The following HMGCLL1 variants were observed in gnomAD, a reference collection of about 807,000 sequenced individuals.
HMGCLL1 encodes 3-hydroxy-3-methylglutaryl-CoA lyase like 1, also known as 3-hydroxymethyl-3-methylglutaryl-CoA lyase, cytoplasmic.
HMGCLL1 carries 36 observed loss-of-function variants against 39.1 expected under a neutral mutation model. That is an observed-to-expected ratio of 0.92 (90% confidence interval 0.71 to 1.22). The LOEUF (loss-of-function observed/expected upper bound fraction) is 1.22. HMGCLL1 is among the 50% of genes most tolerant of loss of function. The probability of loss-of-function intolerance (pLI) is 0.00; values close to 1 mark genes in which losing one functional copy is unlikely to be tolerated. For synonymous variants in HMGCLL1, 149 were observed against 144.0 expected, an observed-to-expected ratio of 1.03 and a Z score of -0.25; for missense variants, 451 against 416.5, an observed-to-expected ratio of 1.08 and a Z score of -0.72.
the HMGCLL1 span, among the ~76,000 whole-genome samples, chr6:55,675,117 G>A: frequency 6.6e-6 from 1 of 152,018 alleles, no homozygotes; most frequent in Admixed American, 6.6e-5. Flanking sequence ...TTTGATCAAA[G>A]GAATTAAATC....
chr6:55,590,716 T>A, the HMGCLL1 span, among the ~76,000 whole-genome samples: 1 of 152,010 alleles, frequency 6.6e-6, no homozygotes, highest in South Asian at 2.1e-4. Context: ...TGATCTTTTT[T>A]ATTTTTCCAC....
At chr6:55,472,212 T>C (rs1029961666) in intron 7 of HMGCLL1, among the ~76,000 whole-genome samples, 2 of 151,552 alleles carry the variant, frequency 1.3e-5, no homozygotes, top group Non-Finnish European at 3.0e-5. Flanking sequence ...TTTTACAGAG[T>C]GGTGGCACCA....
chr6:55,477,283 T>TAAAA (rs1765423424), intron 7 of HMGCLL1, among the ~76,000 whole-genome samples: 2 of 16,418 alleles, frequency 1.2e-4, no homozygotes, highest in Non-Finnish European at 1.6e-4. Flanking sequence ...ATATTATATA[T>TAAAA]TATATATAAA....
the HMGCLL1 span, among the ~76,000 whole-genome samples, chr6:55,591,446 G>A: frequency 6.6e-6 from 1 of 151,818 alleles, no homozygotes; most frequent in African/African-American, 2.4e-5. Flanking sequence ...CCTGGTGGGG[G>A]TGGGACTTCT....
chr6:55,667,908 T>G, the HMGCLL1 span, among the ~76,000 whole-genome samples: 4 of 151,286 alleles, frequency 2.6e-5, no homozygotes, highest in Non-Finnish European at 5.9e-5. Flanking sequence ...CTTTTTTTTT[T>G]ATTTTTTGAT....
At chr6:55,436,601 A>G (rs1001765267) in intron 8 of HMGCLL1, among the ~76,000 whole-genome samples, 1 of 152,020 alleles carries the variant, frequency 6.6e-6, no homozygotes, top group Non-Finnish European at 1.5e-5. Flanking sequence ...TTCCCCCTCA[A>G]TATGGACTAG....
intron 7 of HMGCLL1, among the ~76,000 whole-genome samples, chr6:55,440,902 A>G (rs7755444): frequency 0.16 from 25,076 of 152,084 alleles, 2,094 homozygotes; most frequent in South Asian, 0.28. Flanking sequence ...ATTTTAAAAT[A>G]GTTTTTGATT....
chr6:55,570,185 C>T (rs949302245), intron 1 of HMGCLL1, among the ~76,000 whole-genome samples: 16 of 152,174 alleles, frequency 1.1e-4, no homozygotes, highest in African/African-American at 2.7e-4. Flanking sequence ...TAGAACCCTA[C>T]GTAGTTATCT....
chr6:55,626,045 C>G, the HMGCLL1 span, among the ~76,000 whole-genome samples: 1 of 152,148 alleles, frequency 6.6e-6, no homozygotes, highest in Non-Finnish European at 1.5e-5. Context: ...CAACACTGAC[C>G]TGGCTATGGC....
intron 7 of HMGCLL1, among the ~76,000 whole-genome samples, chr6:55,491,654 T>C (rs1224434862): frequency 6.6e-6 from 1 of 152,138 alleles, no homozygotes; most frequent in Non-Finnish European, 1.5e-5. Context: ...AGTTTGTTAA[T>C]TGGCCTTTTA....
chr6:55,515,920 G>T (rs758470573), intron 4 of HMGCLL1, among the ~76,000 whole-genome samples: 1 of 151,894 alleles, frequency 6.6e-6, no homozygotes, highest in Non-Finnish European at 1.5e-5. Context: ...TATGCAATAA[G>T]CCCATATACG....
Position 55,495,481 on chromosome 6 carries a change from G to C in HMGCLL1, c.733C>G (p.Leu245Val), listed in dbSNP as rs1363841401. The change falls in exon 7 of 9, where the codon CTT becomes GTT. Residue 245 changes from leucine (L) to valine (V), a missense_variant. Physicochemically the swap from Leu to Val is conservative, Grantham distance 32. Coordinates refer to ENST00000274901, the MANE Select transcript of HMGCLL1 (RefSeq NM_001042406.2). ...SVMKEIPPGALAVHCHDTYGQ... is the reference protein window; with the variant it reads ...SVMKEIPPGAVAVHCHDTYGQ... ...TATGTGTCATGACAGTGAACAGCAAGAGCACCTGGTGGGATTTCTTTCATC... is the reference window on the plus strand; with the variant it reads ...TATGTGTCATGACAGTGAACAGCAACAGCACCTGGTGGGATTTCTTTCATC... 6.2e-7 allele frequency: 1 copy of C among 1,614,102 alleles called. No individual in the cohort carries two copies. The highest frequency in any genetic ancestry group is 1.7e-5 in the Admixed American group (1 of 60,020).
the HMGCLL1 span, among the ~76,000 whole-genome samples, chr6:55,588,658 G>T: frequency 6.6e-6 from 1 of 151,910 alleles, no homozygotes; most frequent in African/African-American, 2.4e-5. Context: ...TAGACCGCTA[G>T]CAAGACTAAT....
Position 55,470,319 on chromosome 6 carries a change from C to T in HMGCLL1, c.795+25100G>A, listed in dbSNP as rs1581818418. Among the ~76,000 whole-genome samples, 3 of 151,988 alleles carry T rather than the reference C, an allele frequency of 2.0e-5. No individual in the cohort carries two copies. The South Asian group carries it at 6.2e-4, about 31-fold the overall frequency. ...TCAGTAGAGAATATTTTACCAGCCA[C>T]ATTTTTTGTTGTGTAAACAGGTCCT... On this transcript the variant is annotated intron_variant, in intron 7 of 8. Coordinates refer to ENST00000274901, the MANE Select transcript of HMGCLL1 (RefSeq NM_001042406.2).
chr6:55,545,974 C>T lies in HMGCLL1; in HGVS notation c.109-3834G>A, dbSNP rs141391030. 3.6e-3 allele frequency among the ~76,000 whole-genome samples: 552 copies of T among 152,230 alleles called. 1 individual carries two copies. The highest frequency in any genetic ancestry group is 0.013 in the African/African-American group (540 of 41,566). On this transcript the variant is annotated intron_variant, in intron 1 of 8. Coordinates refer to ENST00000274901, the MANE Select transcript of HMGCLL1 (RefSeq NM_001042406.2). ...AATGGCTCACACTGCAGGAGCTGCA[C>T]TTGGGGAACCTCAGAATTTCATAAT...
intron 5 of HMGCLL1, among the ~76,000 whole-genome samples, chr6:55,500,350 A>G (rs151200560): frequency 1.0e-3 from 156 of 152,110 alleles, no homozygotes; most frequent in African/African-American, 3.5e-3. Context: ...GATGCCAGAG[A>G]AAAGGTAGAG....
At chr6:55,508,652 A>C (rs950634170) in intron 5 of HMGCLL1, among the ~76,000 whole-genome samples, 3 of 151,864 alleles carry the variant, frequency 2.0e-5, no homozygotes, top group Admixed American at 1.3e-4. Context: ...CATACTTATT[A>C]AATTCACTTT....
chr6:55,604,097 C>A, the HMGCLL1 span, among the ~76,000 whole-genome samples: 1 of 151,316 alleles, frequency 6.6e-6, no homozygotes, highest in Non-Finnish European at 1.5e-5. Flanking sequence ...CCTTTTTTTT[C>A]TTTAAAAGGA....
rs1044370144 is a variant in HMGCLL1 at position 55,508,538 on chromosome 6, G to A, written c.542+5510C>T. On this transcript the variant is annotated intron_variant, in intron 5 of 8. Coordinates refer to ENST00000274901, the MANE Select transcript of HMGCLL1 (RefSeq NM_001042406.2). ...ATATGAATAGTGTTTCTAAATAAAA[G>A]TAAATTTGTAAACACTTTTCAGGAA... Among the ~76,000 whole-genome samples, 4 of 151,708 alleles carry A rather than the reference G, an allele frequency of 2.6e-5. No homozygotes were observed. The South Asian group carries it at 6.2e-4, about 24-fold the overall frequency.
Sources: gnomAD v4.1 joint callset for allele counts (sites outside exome capture counted in the v4.1 genomes callset) on GRCh38, gnomAD v4.1.1 for gene constraint, MANE v1.5 for transcripts, NCBI Gene and HGNC (gene_info 2026-07-23, HGNC 2026-07-21) for gene names.